PROM1: variants seen among roughly 807,000 people sequenced by gnomAD.
PROM1 encodes prominin 1.
PROM1 carries 105 observed loss-of-function variants against 116.9 expected under a neutral mutation model. The observed-to-expected ratio is 0.90, with a 90% CI of 0.77 to 1.06. PROM1 has a LOEUF of 1.06. Among genes scored for constraint, PROM1 ranks in the 50% least tolerant of loss-of-function variants. The pLI, the probability that PROM1 is intolerant of heterozygous loss-of-function variation, is 0.00. For synonymous variants in PROM1, 393 were observed against 387.0 expected, an observed-to-expected ratio of 1.02 and a Z score of -0.18; for missense variants, 1,122 against 1,045.2, an observed-to-expected ratio of 1.07 and a Z score of -1.01.
chr4:16,063,726 G>A (rs1740875751), intron 2 of PROM1, among the ~76,000 whole-genome samples: 1 of 152,132 alleles, frequency 6.6e-6, no homozygotes, highest in Non-Finnish European at 1.5e-5. Flanking sequence ...CAATAAAACT[G>A]CACATTTCCT....
chr4:16,026,277 T>G (rs1208665681), intron 5 of PROM1, among the ~76,000 whole-genome samples: 1 of 152,186 alleles, frequency 6.6e-6, no homozygotes, highest in Non-Finnish European at 1.5e-5. Context: ...TAAAATAATT[T>G]GACCAATTGG....
chr4:15,980,600 T>TG (rs377669778), intron 23 of PROM1, 63 bp from the exon 24 acceptor site: 14 of 851,560 alleles, frequency 1.6e-5, no homozygotes, highest in Non-Finnish European at 2.2e-5. Flanking sequence ...AACAGTTGTT[T>TG]GGGGGATTTT....
intron 1 of PROM1, chr4:16,079,467 A>C (rs1198441899): frequency 1.3e-5 from 2 of 152,196 alleles, no homozygotes; most frequent in East Asian, 1.9e-4. Context: ...CTAACTATGA[A>C]ATACTAGAAA....
At chr4:16,032,916 A>T (rs1394293977) in intron 5 of PROM1, among the ~76,000 whole-genome samples, 1 of 152,226 alleles carries the variant, frequency 6.6e-6, no homozygotes, top group East Asian at 1.9e-4. Context: ...CTTTGGACTC[A>T]ACTAGCAAAT....
intron 2 of PROM1, among the ~76,000 whole-genome samples, chr4:16,066,163 A>T (rs1214629375): frequency 6.6e-6 from 1 of 152,198 alleles, no homozygotes. Flanking sequence ...CTGCCATTTT[A>T]AGCTACCTGG....
chr4:16,026,607 AT>A, intron 5 of PROM1, among the ~76,000 whole-genome samples: 1 of 152,298 alleles, frequency 6.6e-6, no homozygotes, highest in East Asian at 1.9e-4. Flanking sequence ...TAAACATCCC[AT>A]TTTTTGTACC....
At chr4:15,991,970 ATGGGTGGT>A (rs1353128225) in intron 17 of PROM1, among the ~76,000 whole-genome samples, 1 of 138,110 alleles carries the variant, frequency 7.2e-6, no homozygotes, top group African/African-American at 2.7e-5. Context: ...AAGACCACAG[ATGGGTGGT>A]TGGGTGGTTG....
At chr4:16,080,345 C>G (rs1031382240) in intron 1 of PROM1, among the ~76,000 whole-genome samples, 1 of 151,192 alleles carries the variant, frequency 6.6e-6, no homozygotes, top group Non-Finnish European at 1.5e-5. Flanking sequence ...ATGGTGAAAC[C>G]CTGTCTCTAC....
At chr4:16,021,697 T>A (rs1461436784) in intron 8 of PROM1, among the ~76,000 whole-genome samples, 1 of 152,280 alleles carries the variant, frequency 6.6e-6, no homozygotes, top group South Asian at 2.1e-4. Flanking sequence ...CAGAGGTGCA[T>A]GTGTTGCCTC....
chr4:16,001,890 G>A (rs563405848), intron 13 of PROM1, among the ~76,000 whole-genome samples: 1 of 152,262 alleles, frequency 6.6e-6, no homozygotes, highest in South Asian at 2.1e-4. Context: ...AAGTCAAGGA[G>A]ACAGGAAGAG....
chr4:16,022,800 T>C (rs1730232043), intron 8 of PROM1, among the ~76,000 whole-genome samples: 1 of 152,216 alleles, frequency 6.6e-6, no homozygotes, highest in Non-Finnish European at 1.5e-5. Flanking sequence ...AGGCTTAAGA[T>C]ATATATGTAT....
chr4:15,976,756 T>C (rs1337264279), intron 26 of PROM1, among the ~76,000 whole-genome samples: 2 of 152,182 alleles, frequency 1.3e-5, no homozygotes, highest in Non-Finnish European at 2.9e-5. Flanking sequence ...ATGCAGCACA[T>C]TCTTCCAGGC....
At chr4:16,008,858 C>A in intron 12 of PROM1, 91 bp downstream of exon 12, 1 of 1,279,206 alleles carries the variant, frequency 7.8e-7, no homozygotes, top group Admixed American at 2.6e-5. Context: ...AATTTGCTCT[C>A]ATAAGATTAT....
Position 16,006,631 on chromosome 4 carries a change from A to G in PROM1, c.1361T>C (p.Leu454Pro). 6.2e-7 allele frequency: 1 copy of G among 1,612,584 alleles called. No homozygotes were observed. The highest frequency in any genetic ancestry group is 2.2e-5 in the East Asian group (1 of 44,812). Residue 454 changes from leucine (L) to proline (P), a missense_variant, in exon 13 of 28, where the codon CTG (leucine) becomes CCG (proline). Physicochemically the swap from Leu to Pro is moderately conservative, Grantham distance 98. Transcript: ENST00000447510. ...GCCGCACACGCCACACAGTAAGCCC[A>G]GGTAGTAAAAAATCACGATGAGGGT... is the stretch of plus-strand genomic sequence containing the variant. ...LLTLIVIFYY[L>P]GLLCGVCGYD...
At chr4:15,991,926 C>T (rs1288144475) in intron 17 of PROM1, among the ~76,000 whole-genome samples, 4 of 101,418 alleles carry the variant, frequency 3.9e-5, no homozygotes, top group Non-Finnish European at 5.3e-5. Context: ...CAGAGCGAGA[C>T]TCCGTCTCAA....
intron 2 of PROM1, among the ~76,000 whole-genome samples, chr4:16,070,899 C>G (rs1385408683): frequency 2.0e-5 from 3 of 152,196 alleles, no homozygotes; most frequent in Non-Finnish European, 4.4e-5. Context: ...CCTGGAGACA[C>G]CTTCTGATTC....
chr4:16,006,802 G>C, intron 12 of PROM1, 112 bp from the exon 13 acceptor site: 2 of 1,093,932 alleles, frequency 1.8e-6, no homozygotes, highest in Admixed American at 2.4e-5. Context: ...TCTAAAATCA[G>C]AGTCTTCTAT....
intron 1 of PROM1, among the ~76,000 whole-genome samples, chr4:16,078,843 C>T (rs1487267081): frequency 6.6e-6 from 1 of 152,174 alleles, no homozygotes; most frequent in African/African-American, 2.4e-5. Context: ...ATTGCCTCAT[C>T]TTCTAAGTCC....
rs546453680 is a variant in PROM1, at chr4:16,022,194, C to T, written c.784+1132G>A. Among the ~76,000 whole-genome samples the T allele has an allele frequency of 6.9e-4, 105 of 151,734 alleles. 1 individual carries two copies. Among genetic ancestry groups the T allele is most frequent in the Non-Finnish European group, 9.6e-4 (65 of 67,896 alleles). ...AAAGAAAGAAGGAATGGAGAAGCCA[C>T]GTGGAAAAAGCCAGGACAGGAAGGC... On this transcript the variant is annotated intron_variant, in intron 8 of 27. Coordinates refer to ENST00000447510, the MANE Select transcript of PROM1 (RefSeq NM_006017.3).
Sources: gnomAD v4.1 joint callset for allele counts (sites outside exome capture counted in the v4.1 genomes callset) on GRCh38, gnomAD v4.1.1 for gene constraint, MANE v1.5 for transcripts, NCBI Gene and HGNC (gene_info 2026-07-23, HGNC 2026-07-21) for gene names.